Variants in FLRT3 observed in about 807,000 individuals in gnomAD.
FLRT3 encodes fibronectin leucine rich transmembrane protein 3.
In FLRT3, 17 loss-of-function variants were observed where a neutral mutation model predicts 42.6. That is an observed-to-expected ratio of 0.40 (90% confidence interval 0.27 to 0.60). FLRT3 has a LOEUF of 0.60. FLRT3 is among the 20% of genes least tolerant of loss of function. The pLI, the probability that FLRT3 is intolerant of heterozygous loss-of-function variation, is 0.44. For synonymous variants in FLRT3, 279 were observed against 286.4 expected (o/e 0.97, Z 0.26); for missense variants, 635 against 789.2 (o/e 0.80, Z 2.34).
rs756439857 is a variant in FLRT3 at position 14,327,008 on chromosome 20, T to C, written c.499A>G (p.Ser167Gly). 12 of 1,613,634 alleles carry C rather than the reference T, an allele frequency of 7.4e-6. No homozygotes were observed. Among genetic ancestry groups the C allele is most frequent in the Non-Finnish European group, 1.0e-5 (12 of 1,179,780 alleles). Residue 167 changes from serine (S) to glycine (G), a missense_variant, in exon 3 of 3, where the codon AGC becomes GGC. Ser to Gly is a moderately conservative substitution (Grantham distance 56). Coordinates refer to ENST00000341420, the MANE Select transcript of FLRT3 (RefSeq NM_198391.3). ...CTGGGCAAACCCCAGGGAATTGTGC[T>C]AAGGTGATTACGGGACAGGAAAAGC... ...RLLFLSRNHL[S>G]TIPWGLPRTI... is the part of the protein sequence containing the mutation.
intron 1 of FLRT3, among the ~76,000 whole-genome samples, chr20:14,333,312 A>G (rs959215184): frequency 4.6e-5 from 7 of 152,154 alleles, no homozygotes; most frequent in African/African-American, 1.7e-4. Flanking sequence ...TTTCTGACAA[A>G]TGAATCAAAT....
Position 14,324,377 on chromosome 20 carries a change from G to A in FLRT3, c.*1180C>T, listed in dbSNP as rs552151432. Reference sequence around the variant, plus strand: ...ATTCAGTAGGAAGCTAGAAGGAAATGTTACATTACGAGTTCATTATATAAT... The same window carrying A: ...ATTCAGTAGGAAGCTAGAAGGAAATATTACATTACGAGTTCATTATATAAT... On this transcript the variant is annotated 3_prime_UTR_variant, in exon 3 of 3. Transcript: ENST00000341420. 1 of 152,570 alleles carries A rather than the reference G, an allele frequency of 6.6e-6. No individual in the cohort carries two copies. The highest frequency in any genetic ancestry group is 2.4e-5 in the African/African-American group (1 of 41,528). 9.5% of individuals were successfully genotyped at this position (152,570 alleles called of 1,614,324 possible).
In FLRT3 at chr20:14,326,904, T is replaced by C. The variant is rs773079800; in HGVS notation, c.603A>G (p.Leu201=). 1 of 1,613,822 alleles carries C rather than the reference T, an allele frequency of 6.2e-7. No individual in the cohort carries two copies. Among genetic ancestry groups the C allele is most frequent in the Admixed American group, 1.7e-5 (1 of 59,972 alleles). ...GGTTTCCATCTAGAACCAGGCGTTTTAGACTAGTGAGACCTTGAAGAGATG... is the reference window on the plus strand; with the variant it reads ...GGTTTCCATCTAGAACCAGGCGTTTCAGACTAGTGAGACCTTGAAGAGATG... ...SSPSLQGLTS[L]KRLVLDGNLL... Residue 201 remains leucine (L), a synonymous_variant, in exon 3 of 3, where the codon CTA becomes CTG. Transcript: ENST00000341420. The surrounding 1 kb of genome is among the most constrained non-coding windows in gnomAD (Gnocchi z 5.5).
At chr20:14,336,929 G>T (rs193297612) in intron 1 of FLRT3, among the ~76,000 whole-genome samples, 4 of 152,144 alleles carry the variant, frequency 2.6e-5, no homozygotes, top group Non-Finnish European at 5.9e-5. Flanking sequence ...GGAGTAGCTC[G>T]GCTAGCTGTG....
At chr20:14,331,220 C>A (rs902639641) in intron 1 of FLRT3, among the ~76,000 whole-genome samples, 1 of 152,010 alleles carries the variant, frequency 6.6e-6, no homozygotes, top group Non-Finnish European at 1.5e-5. Flanking sequence ...AAATAAATGT[C>A]TTTTATCTTG....
chr20:14,335,174 T>C lies in FLRT3; in HGVS notation c.-247+2230A>G, dbSNP rs560114287. Among the ~76,000 whole-genome samples the C allele has an allele frequency of 5.3e-5, 8 of 152,308 alleles. No individual in the cohort carries two copies. In the South Asian group the frequency reaches 1.5e-3, roughly 28 times the overall value. On this transcript the variant is annotated intron_variant, in intron 1 of 2. Transcript: ENST00000341420. ...TGGCCAAGAAAAGCACAGAAAAATC[T>C]CTCTGCAGTGCACTTGCATGTTTAA...
Position 14,326,376 on chromosome 20 carries a change from G to T in FLRT3, c.1131C>A (p.Ala377=), listed in dbSNP as rs1375192960. ...TCACTGGAGCTGGCCACTGTCCTTG[G>T]GCAGGATACACTGTGTTGGGTATTG... is the stretch of plus-strand genomic sequence containing the variant. The part of the protein sequence containing the change: ...TTAIPNTVYP[A]QGQWPAPVTK... Residue 377 remains alanine, a synonymous_variant, in exon 3 of 3, where the codon GCC becomes GCA. Transcript: ENST00000341420. This position sits in a 1 kb window ranked among gnomAD's most constrained non-coding sequence, Gnocchi z 5.5. The T allele has an allele frequency of 6.2e-7, 1 of 1,613,880 alleles. No individual in the cohort carries two copies.
Position 14,324,623 on chromosome 20 carries a change from T to A in FLRT3, c.*934A>T, listed in dbSNP as rs1046649490. 1 of 152,158 alleles carries A rather than the reference T, an allele frequency of 6.6e-6. No homozygotes were observed. Among genetic ancestry groups the A allele is most frequent in the Non-Finnish European group, 1.5e-5 (1 of 68,020 alleles). The allele number at this position is 152,158 out of a possible 1,614,324, so 9.4% of individuals were successfully genotyped here. ...TTACATTTTTAATATGCATAAAGTT[T>A]CTCTGACATCCTTTATGATAAAAAC... is the stretch of plus-strand genomic sequence containing the variant. On this transcript the variant is annotated 3_prime_UTR_variant, in exon 3 of 3. Transcript: ENST00000341420.
At position 14,331,190 on chromosome 20, in the gene FLRT3, C is replaced by T. The variant is rs1255223066; in HGVS notation, c.-246-1863G>A. On this transcript the variant is annotated intron_variant, in intron 1 of 2. Coordinates refer to ENST00000341420, the MANE Select transcript of FLRT3 (RefSeq NM_198391.3). ...ACCACAGTGTGTCCAAGGTGATGATCATAATGATAACCAGACATAAAATAA... is the reference window on the plus strand; with the variant it reads ...ACCACAGTGTGTCCAAGGTGATGATTATAATGATAACCAGACATAAAATAA... 1.1e-4 allele frequency among the ~76,000 whole-genome samples: 16 copies of T among 152,126 alleles called. No individual in the cohort carries two copies. The East Asian group carries it at 2.7e-3, about 26-fold the overall frequency.
Position 14,326,965 on chromosome 20 carries a change from C to A in FLRT3, c.542G>T (p.Arg181Leu). The A allele has an allele frequency of 6.2e-7, 1 of 1,613,664 alleles. No individual in the cohort carries two copies. Among genetic ancestry groups the A allele is most frequent in the Non-Finnish European group, 8.5e-7 (1 of 1,179,770 alleles). ...WGLPRTIEEL[R>L]LDDNRISTIS... ...AGTGGATATGCGATTATCATCCAAG[C>A]GTAGTTCTTCTATAGTCCTGGGCAA... The change falls in exon 3 of 3, where the codon CGC (arginine) becomes CTC (leucine). Residue 181 changes from arginine (R) to leucine (L), a missense_variant. Arg to Leu is a moderately radical substitution (Grantham distance 102, BLOSUM62 -2). Transcript: ENST00000341420. This position sits in a 1 kb window ranked among gnomAD's most constrained non-coding sequence, Gnocchi z 5.5.
Position 14,326,094 on chromosome 20 carries a change from A to G in FLRT3, c.1413T>C (p.Pro471=). Residue 471 remains proline (P), a synonymous_variant, in exon 3 of 3, where the codon CCT becomes CCC. Transcript: ENST00000341420. The surrounding 1 kb of genome is among the most constrained non-coding windows in gnomAD (Gnocchi z 5.5). ...CCATGCATACTTTATAGGGTGAATC[A>G]GGCTCCAGGGCTGTGACCAAGTACT... The part of the protein sequence containing the change: ...RSEYLVTALE[P]DSPYKVCMVP... 1 of 1,613,924 alleles carries G rather than the reference A, an allele frequency of 6.2e-7. No individual in the cohort carries two copies. Among genetic ancestry groups the G allele is most frequent in the Non-Finnish European group, 8.5e-7 (1 of 1,179,882 alleles).
rs546681165 is a variant in FLRT3 at position 14,325,853 on chromosome 20, C to T, written c.1654G>A (p.Val552Ile). The T allele has an allele frequency of 7.4e-6, 12 of 1,613,918 alleles. 1 individual carries two copies. In the Admixed American group the frequency reaches 2.0e-4, roughly 27 times the overall value. Residue 552 changes from valine (V) to isoleucine (I), a missense_variant, in exon 3 of 3, where the codon GTT becomes ATT. Physicochemically the swap from Val to Ile is conservative, Grantham distance 29 (BLOSUM62 3). Coordinates refer to ENST00000341420, the MANE Select transcript of FLRT3 (RefSeq NM_198391.3). ...IALLALVCWY[V>I]HRNGSLFSRN... is the part of the protein sequence containing the mutation. ...GAGAAGAGCGATCCATTCCTATGAA[C>T]ATACCAACACACTAAAGCAAGAAGG...
chr20:14,337,398 A>G lies in FLRT3; in HGVS notation c.-247+6T>C, dbSNP rs571545020. ...AATCATAAGAAAAAACATGGAAAAC[A>G]CTTACCAGGAAGACGAGAAAAAGCA... On this transcript the variant is annotated splice_donor_region_variant and intron_variant, in intron 1 of 2. Coordinates refer to ENST00000341420, the MANE Select transcript of FLRT3 (RefSeq NM_198391.3). 2 of 380,048 alleles carry G rather than the reference A, an allele frequency of 5.3e-6. No individual in the cohort carries two copies. The highest frequency in any genetic ancestry group is 4.5e-5 in the Admixed American group (1 of 22,126). The allele number at this position is 380,048 out of a possible 1,614,324, so 23.5% of individuals were successfully genotyped here.
intron 2 of FLRT3, 127 bp from the exon 3 acceptor site, chr20:14,327,685 G>A (rs747816346): frequency 1.5e-6 from 1 of 683,748 alleles, no homozygotes; most frequent in African/African-American, 1.8e-5. Context: ...GTTTTGGGAG[G>A]GGGCATAATA....
chr20:14,332,500 T>G (rs2082863631), intron 1 of FLRT3, among the ~76,000 whole-genome samples: 1 of 152,154 alleles, frequency 6.6e-6, no homozygotes, highest in African/African-American at 2.4e-5. Context: ...ATAATAGTAG[T>G]GCTAACTTCT....
intron 1 of FLRT3, among the ~76,000 whole-genome samples, chr20:14,334,444 A>G (rs1273424590): frequency 6.6e-6 from 1 of 152,192 alleles, no homozygotes; most frequent in East Asian, 1.9e-4. Context: ...ATCCCTTTTT[A>G]TGCTCTGAAG....
rs148251977 is a variant in FLRT3, at chr20:14,326,557, C to T, written c.950G>A (p.Arg317His). 1.2e-4 allele frequency: 188 copies of T among 1,613,926 alleles called. No individual in the cohort carries two copies. The African/African-American group carries it at 2.2e-3, about 19-fold the overall frequency. Residue 317 changes from arginine (R) to histidine (H), a missense_variant, in exon 3 of 3, where the codon CGT (arginine) becomes CAT (histidine). Arg to His is a conservative substitution (Grantham distance 29). Coordinates refer to ENST00000341420, the MANE Select transcript of FLRT3 (RefSeq NM_198391.3). The surrounding 1 kb of genome is among the most constrained non-coding windows in gnomAD (Gnocchi z 5.5). ...CACAGGTAGTGATTGTAACCAGTCA[C>T]GTACCCATTTCATCTTGCACCCGCA... ...WYCGCKMKWVRDWLQSLPVKV... is the reference protein window; with the variant it reads ...WYCGCKMKWVHDWLQSLPVKV...
At position 14,325,911 on chromosome 20, in the gene FLRT3, G is replaced by A; in HGVS notation, c.1596C>T (p.Ile532=). The part of the protein sequence containing the change: ...YKNPNLPLAA[I]IGGAVALVTI... ...TAACCAGGGCCACAGCCCCACCAAT[G>A]ATGGCAGCCAAAGGTAAATTGGGGT... The change falls in exon 3 of 3, where the codon ATC becomes ATT. Residue 532 remains isoleucine, a synonymous_variant. Coordinates refer to ENST00000341420, the MANE Select transcript of FLRT3 (RefSeq NM_198391.3). The A allele has an allele frequency of 6.2e-7, 1 of 1,613,962 alleles. No homozygotes were observed. The highest frequency in any genetic ancestry group is 8.5e-7 in the Non-Finnish European group (1 of 1,179,898).
intron 1 of FLRT3, among the ~76,000 whole-genome samples, chr20:14,331,710 G>A (rs2082844590): frequency 6.6e-6 from 1 of 152,026 alleles, no homozygotes; most frequent in South Asian, 2.1e-4. Context: ...AGATTTTTGG[G>A]TTTTGGTTTT....
Sources: allele counts gnomAD v4.1 joint callset (sites outside exome capture counted in the v4.1 genomes callset), GRCh38; gene constraint gnomAD v4.1.1; non-coding constraint Gnocchi (gnomAD v3.1); transcripts MANE v1.5; gene names NCBI Gene and HGNC (gene_info 2026-07-23, HGNC 2026-07-21).